PALS2: variants seen among roughly 807,000 people sequenced by gnomAD.
PALS2 encodes protein associated with LIN7 2, MAGUK p55 family member.
PALS2 carries 27 observed loss-of-function variants against 61.6 expected under a neutral mutation model. The ratio of observed to expected loss-of-function variants is 0.44; its 90% CI spans 0.32 to 0.60. PALS2 has a LOEUF of 0.60. Ranked by LOEUF, PALS2 falls within the 20% of genes least tolerant of loss-of-function variation. PALS2 has a pLI of 0.05. For synonymous variants in PALS2, 236 were observed against 218.6 expected, an observed-to-expected ratio of 1.08 and a Z score of -0.70; for missense variants, 554 against 639.4, an observed-to-expected ratio of 0.87 and a Z score of 1.44.
chr7:24,649,222 A>C (rs1417032496), intron 3 of PALS2, among the ~76,000 whole-genome samples: 2 of 152,204 alleles, frequency 1.3e-5, no homozygotes, highest in African/African-American at 4.8e-5. Flanking sequence ...TTGAATTTGA[A>C]TTTTTATGGT....
chr7:24,606,497 C>T (rs78376996), intron 1 of PALS2, among the ~76,000 whole-genome samples: 9,611 of 152,196 alleles, frequency 0.063, 354 homozygotes, highest in African/African-American at 0.093. Flanking sequence ...TAGTTTTTCA[C>T]TGACACTTTG....
intron 1 of PALS2, among the ~76,000 whole-genome samples, chr7:24,599,953 T>C (rs1178464055): frequency 6.6e-6 from 1 of 152,114 alleles, no homozygotes; most frequent in East Asian, 1.9e-4. Context: ...CTGGAAAGTC[T>C]TCAGGGGGCA....
chr7:24,676,493 G>A (rs1024571540), intron 9 of PALS2, among the ~76,000 whole-genome samples: 61 of 152,182 alleles, frequency 4.0e-4, no homozygotes, highest in Non-Finnish European at 3.2e-4. Flanking sequence ...TTCTTCTAGG[G>A]TTTTTATGGT....
At chr7:24,578,366 G>A (rs537728050) in intron 1 of PALS2, among the ~76,000 whole-genome samples, 1 of 152,300 alleles carries the variant, frequency 6.6e-6, no homozygotes, top group East Asian at 1.9e-4. Flanking sequence ...TCTTTCTGAG[G>A]TTTCGGTGTT....
At chr7:24,574,806 T>A (rs893335778) in intron 1 of PALS2, among the ~76,000 whole-genome samples, 3 of 152,196 alleles carry the variant, frequency 2.0e-5, no homozygotes, top group Non-Finnish European at 4.4e-5. Flanking sequence ...TTTGTAAACT[T>A]ATGTTGGTCG....
chr7:24,627,717 C>G (rs1332975006), intron 2 of PALS2, among the ~76,000 whole-genome samples: 1 of 152,096 alleles, frequency 6.6e-6, no homozygotes, highest in African/African-American at 2.4e-5. Context: ...TATAAACTAC[C>G]ATCAGAAAAT....
intron 2 of PALS2, among the ~76,000 whole-genome samples, chr7:24,639,444 A>G (rs1205331163): frequency 6.6e-6 from 1 of 151,868 alleles, no homozygotes; most frequent in Non-Finnish European, 1.5e-5. Flanking sequence ...TACTTAGAAT[A>G]TAGTATCCAA....
chr7:24,679,246 T>C lies in PALS2; in HGVS notation c.1230T>C (p.Tyr410=), dbSNP rs1220141131. 6.2e-7 allele frequency: 1 copy of C among 1,613,936 alleles called. No individual in the cohort carries two copies. Among genetic ancestry groups the C allele is most frequent in the Non-Finnish European group, 8.5e-7 (1 of 1,179,920 alleles). The change falls in exon 10 of 12, where the codon TAT becomes TAC. Residue 410 remains tyrosine (Y), a synonymous_variant. Transcript: ENST00000222644. Reference sequence around the variant, plus strand: ...GAAAGTATTTGGAACATGGGGAATATGAAGGAAATCTCTATGGAACCAAAA... The same window carrying C: ...GAAAGTATTTGGAACATGGGGAATACGAAGGAAATCTCTATGGAACCAAAA... ...KAGKYLEHGE[Y]EGNLYGTKID...
At chr7:24,590,786 A>G (rs987452851) in intron 1 of PALS2, among the ~76,000 whole-genome samples, 2 of 151,120 alleles carry the variant, frequency 1.3e-5, no homozygotes, top group African/African-American at 4.9e-5. Flanking sequence ...TAACTTCAGT[A>G]CCTACTTACT....
chr7:24,583,644 A>G (rs1408359159), intron 1 of PALS2, among the ~76,000 whole-genome samples: 1 of 139,808 alleles, frequency 7.2e-6, no homozygotes, highest in Admixed American at 7.1e-5. Flanking sequence ...TTTTTTTCCC[A>G]TGCTAAATAT....
At chr7:24,593,761 G>A (rs78586442) in intron 1 of PALS2, among the ~76,000 whole-genome samples, 3,031 of 152,160 alleles carry the variant, frequency 0.02, 114 homozygotes, top group African/African-American at 0.07. Flanking sequence ...GTTGTAAACC[G>A]AAGTGCTGTC....
At chr7:24,639,671 TTC>T (rs1785416783) in intron 2 of PALS2, among the ~76,000 whole-genome samples, 1 of 151,130 alleles carries the variant, frequency 6.6e-6, no homozygotes, top group African/African-American at 2.4e-5. Context: ...GTAGATTATT[TTC>T]TTTTTTTTTT....
chr7:24,648,778 G>A (rs192344063), intron 3 of PALS2, among the ~76,000 whole-genome samples: 1,879 of 151,714 alleles, frequency 0.012, 54 homozygotes, highest in African/African-American at 0.043. Context: ...GGTGGCATGC[G>A]CCTGTAGTCC....
intron 2 of PALS2, among the ~76,000 whole-genome samples, chr7:24,638,987 T>TCG (rs1785379921): frequency 6.6e-6 from 1 of 152,192 alleles, no homozygotes; most frequent in Non-Finnish European, 1.5e-5. Flanking sequence ...TCTTCATAGC[T>TCG]CTTACTTAGA....
chr7:24,585,843 C>T (rs10272786), intron 1 of PALS2, among the ~76,000 whole-genome samples: 3,588 of 152,214 alleles, frequency 0.024, 165 homozygotes, highest in African/African-American at 0.082. Context: ...GGACTCCAGG[C>T]GCCCGCCACC....
At chr7:24,595,962 G>A (rs1354486076) in intron 1 of PALS2, among the ~76,000 whole-genome samples, 2 of 151,882 alleles carry the variant, frequency 1.3e-5, no homozygotes, top group African/African-American at 4.8e-5. Flanking sequence ...AAGGAGCCCA[G>A]TGTGACTGGA....
chr7:24,626,483 A>G (rs1029095411), intron 2 of PALS2, among the ~76,000 whole-genome samples: 2 of 152,260 alleles, frequency 1.3e-5, no homozygotes, highest in Non-Finnish European at 2.9e-5. Flanking sequence ...AAAATGGGCA[A>G]AATAACCAGC....
At chr7:24,677,760 A>G (rs1030791219) in intron 9 of PALS2, among the ~76,000 whole-genome samples, 2 of 152,212 alleles carry the variant, frequency 1.3e-5, no homozygotes, top group African/African-American at 4.8e-5. Context: ...AAAAGCCATC[A>G]TAGCATCTTG....
At chr7:24,665,567 A>C (rs1375348408) in intron 6 of PALS2, 21 bp from the exon 7 acceptor site, 1 of 1,607,776 alleles carries the variant, frequency 6.2e-7, no homozygotes, top group East Asian at 2.2e-5. Flanking sequence ...TGAGATGTAC[A>C]ATTCATTAAT....
Sources: gnomAD v4.1 joint callset for allele counts (sites outside exome capture counted in the v4.1 genomes callset) on GRCh38, gnomAD v4.1.1 for gene constraint, MANE v1.5 for transcripts, NCBI Gene and HGNC (gene_info 2026-07-23, HGNC 2026-07-21) for gene names.